Variants in SIPA1L1 observed in about 807,000 individuals in gnomAD.
SIPA1L1 encodes the protein signal-induced proliferation-associated 1-like protein 1.
Under a neutral mutation model 162.7 loss-of-function variants are expected in SIPA1L1, and 26 were observed. The observed-to-expected ratio is 0.16, with a 90% CI of 0.12 to 0.22. The LOEUF (loss-of-function observed/expected upper bound fraction) is 0.22. SIPA1L1 is among the 10% of genes least tolerant of loss of function. The pLI, the probability that SIPA1L1 is intolerant of heterozygous loss-of-function variation, is 1.00. For synonymous variants in SIPA1L1, 829 were observed against 837.4 expected (o/e 0.99, Z 0.17); for missense variants, 1,874 against 2,241.0 (o/e 0.84, Z 3.31).
intron 7 of SIPA1L1, among the ~76,000 whole-genome samples, chr14:71,627,228 G>A (rs566215310): frequency 2.2e-5 from 3 of 136,544 alleles, no homozygotes; most frequent in South Asian, 4.6e-4. Flanking sequence ...GCGCGATCTC[G>A]GCTCACTGCA....
In SIPA1L1 at chr14:71,587,841, T is replaced by C; in HGVS notation, c.-32T>C. On this transcript the variant is annotated 5_prime_UTR_variant, in exon 5 of 24. Coordinates refer to ENST00000381232, the MANE Select transcript of SIPA1L1 (RefSeq NM_001386936.1). ...AAAACACAGATATGATGGTCCTTGC[T>C]GCAGGGATTTAAGTCTACTTGCTTT... 6.3e-7 allele frequency: 1 copy of C among 1,576,184 alleles called. No individual in the cohort carries two copies. Among genetic ancestry groups the C allele is most frequent in the East Asian group, 2.3e-5 (1 of 44,114 alleles).
intron 2 of SIPA1L1, among the ~76,000 whole-genome samples, chr14:71,472,039 TA>T (rs139530371): frequency 0.038 from 5,797 of 152,180 alleles, 194 homozygotes; most frequent in African/African-American, 0.076. Flanking sequence ...AAATATCTTT[TA>T]AAATAATGCT....
intron 2 of SIPA1L1, among the ~76,000 whole-genome samples, chr14:71,338,148 A>G (rs1381255477): frequency 6.6e-6 from 1 of 152,150 alleles, no homozygotes; most frequent in Non-Finnish European, 1.5e-5. Context: ...GCTGGTTACC[A>G]TAACACACCC....
At chr14:71,435,130 T>C (rs180987260) in intron 2 of SIPA1L1, among the ~76,000 whole-genome samples, 1 of 152,302 alleles carries the variant, frequency 6.6e-6, no homozygotes, top group East Asian at 1.9e-4. Context: ...GCTTAAACAT[T>C]GTATACATTT....
chr14:71,673,557 G>A (rs139583128), intron 12 of SIPA1L1, among the ~76,000 whole-genome samples: 3 of 152,210 alleles, frequency 2.0e-5, no homozygotes, highest in Admixed American at 2.0e-4. Flanking sequence ...GGCTATTTGT[G>A]TCTTTTAAAA....
At chr14:71,670,221 T>G (rs2044384657) in intron 10 of SIPA1L1, among the ~76,000 whole-genome samples, 1 of 152,194 alleles carries the variant, frequency 6.6e-6, no homozygotes, top group South Asian at 2.1e-4. Context: ...AACAACTTCC[T>G]TTGTTGTTTT....
chr14:71,658,282 A>G (rs1196189676), intron 8 of SIPA1L1, 51 bp from the exon 9 acceptor site: 2 of 894,980 alleles, frequency 2.2e-6, no homozygotes, highest in African/African-American at 3.4e-5. Flanking sequence ...TCTTAAATAA[A>G]TTATTTTTCC....
intron 19 of SIPA1L1, among the ~76,000 whole-genome samples, chr14:71,726,257 T>C (rs1170851113): frequency 6.6e-6 from 1 of 152,246 alleles, no homozygotes; most frequent in South Asian, 2.1e-4. Context: ...CAGTTCTGAC[T>C]CATCATTCAG....
chr14:71,733,584 T>A, intron 20 of SIPA1L1, 82 bp from the exon 21 acceptor site: 1 of 1,381,126 alleles, frequency 7.2e-7, no homozygotes, highest in African/African-American at 1.4e-5. Flanking sequence ...TTACAATCTA[T>A]TGTGGTAACA....
intron 2 of SIPA1L1, among the ~76,000 whole-genome samples, chr14:71,390,075 C>T (rs2040624938): frequency 6.6e-6 from 1 of 152,146 alleles, no homozygotes; most frequent in South Asian, 2.1e-4. Flanking sequence ...ACTGAAATTT[C>T]TTATCCAGCA....
chr14:71,422,083 A>G (rs2043225602), intron 2 of SIPA1L1, among the ~76,000 whole-genome samples: 2 of 152,216 alleles, frequency 1.3e-5, no homozygotes, highest in African/African-American at 4.8e-5. Context: ...ACAGTTGTAT[A>G]TGAGGACGTC....
At chr14:71,529,401 A>G (rs778929134) in intron 4 of SIPA1L1, 31 bp downstream of exon 4, 1 of 599,282 alleles carries the variant, frequency 1.7e-6, no homozygotes, top group Admixed American at 2.7e-5. Context: ...CCTATGACCT[A>G]CCTGCTTTAC....
intron 4 of SIPA1L1, among the ~76,000 whole-genome samples, chr14:71,534,049 A>AC (rs1555450735): frequency 6.6e-6 from 1 of 151,894 alleles, no homozygotes; most frequent in Non-Finnish European, 1.5e-5. Context: ...ATATAGTGAG[A>AC]CCCCATCTCT....
intron 2 of SIPA1L1, among the ~76,000 whole-genome samples, chr14:71,466,168 G>A (rs1035975512): frequency 6.6e-6 from 1 of 152,106 alleles, no homozygotes; most frequent in Non-Finnish European, 1.5e-5. Flanking sequence ...TGTACTTTAG[G>A]GGTGTTTTGA....
chr14:71,627,625 A>C (rs2040164415), intron 7 of SIPA1L1, among the ~76,000 whole-genome samples: 1 of 152,222 alleles, frequency 6.6e-6, no homozygotes, highest in Admixed American at 6.5e-5. Context: ...TCTCATGATA[A>C]AAACAAATGA....
chr14:71,444,916 C>G (rs550725744), intron 2 of SIPA1L1, among the ~76,000 whole-genome samples: 50 of 152,284 alleles, frequency 3.3e-4, no homozygotes, highest in African/African-American at 1.2e-3. Context: ...AGTGCTTGTT[C>G]TGTGCCTAGA....
intron 4 of SIPA1L1, among the ~76,000 whole-genome samples, chr14:71,538,604 G>T (rs1773816898): frequency 6.6e-6 from 1 of 152,136 alleles, no homozygotes; most frequent in Admixed American, 6.5e-5. Context: ...TCTTCCTAAG[G>T]TTGTAATAGC....
At chr14:71,367,971 G>T (rs574115708) in intron 2 of SIPA1L1, among the ~76,000 whole-genome samples, 16 of 150,152 alleles carry the variant, frequency 1.1e-4, no homozygotes, top group African/African-American at 3.2e-4. Flanking sequence ...TTTATTTCCG[G>T]GGCATTGGGG....
At chr14:71,376,604 T>G (rs2039394277) in intron 2 of SIPA1L1, among the ~76,000 whole-genome samples, 1 of 152,028 alleles carries the variant, frequency 6.6e-6, no homozygotes. Flanking sequence ...TCTTGGGTGT[T>G]TCTCCGAGAG....
Sources: gnomAD v4.1 joint callset for allele counts (sites outside exome capture counted in the v4.1 genomes callset) on GRCh38, gnomAD v4.1.1 for gene constraint, MANE v1.5 for transcripts, NCBI Gene and HGNC (gene_info 2026-07-23, HGNC 2026-07-21) for gene names.